The following DNAH5 variants were observed in gnomAD, a reference collection of about 807,000 sequenced individuals.
The protein encoded by DNAH5 is axonemal beta dynein heavy chain 5.
DNAH5 carries 372 observed loss-of-function variants against 518.2 expected under a neutral mutation model. The observed-to-expected ratio is 0.72, with a 90% confidence interval of 0.66 to 0.78. The LOEUF is 0.78. DNAH5 is among the 30% of genes least tolerant of loss of function. The probability of loss-of-function intolerance (pLI) is 0.00; values close to 1 mark genes in which losing one functional copy is unlikely to be tolerated. For synonymous variants in DNAH5, 2,039 were observed against 2,025.9 expected, an observed-to-expected ratio of 1.01 and a Z score of -0.17; for missense variants, 5,523 against 5,687.0, an observed-to-expected ratio of 0.97 and a Z score of 0.93.
At chr5:13,755,668 A>G (rs1027420490) in intron 61 of DNAH5, among the ~76,000 whole-genome samples, 1 of 152,174 alleles carries the variant, frequency 6.6e-6, no homozygotes, top group Non-Finnish European at 1.5e-5. Context: ...CTAACAGTCC[A>G]TCGGAGAGAA....
Position 13,793,640 on chromosome 5 carries a change from A to G in DNAH5, c.8099T>C (p.Ile2700Thr), listed in dbSNP as rs760739660. The change falls in exon 49 of 79, where the codon ATC (isoleucine) becomes ACC (threonine). Residue 2700 changes from isoleucine to threonine, a missense_variant. Ile to Thr is a moderately conservative substitution (Grantham distance 89, BLOSUM62 -1). Coordinates refer to ENST00000265104, the MANE Select transcript of DNAH5 (RefSeq NM_001369.3). ...KPGEFTSIVD[I>T]QFLAAMIHPG... ...ATGGATCATGGCTGCCAAAAACTGG[A>G]TGTCCACGATGCTGGTGAACTCCCC... 70 of 1,614,040 alleles carry G rather than the reference A, an allele frequency of 4.3e-5. No homozygotes were observed. The highest frequency in any genetic ancestry group is 8.3e-5 in the Admixed American group (5 of 59,998).
At chr5:13,739,200 C>A (rs143143302) in intron 65 of DNAH5, among the ~76,000 whole-genome samples, 3 of 152,096 alleles carry the variant, frequency 2.0e-5, no homozygotes, top group East Asian at 1.9e-4. Flanking sequence ...TGGCTCTGTG[C>A]CCCCACTCAA....
rs1554034969 is a variant in DNAH5, at chr5:13,753,511, C to G, written c.10594G>C (p.Gly3532Arg). Reference sequence around the variant, plus strand: ...TCACGAAACTCTTGGTTAAATGGACCAGAATAAGATAGAAAAGCTGTAGCC... The same window carrying G: ...TCACGAAACTCTTGGTTAAATGGACGAGAATAAGATAGAAAAGCTGTAGCC... The part of the protein sequence containing the change: ...LLATAFLSYS[G>R]PFNQEFRDLL... Residue 3532 changes from glycine (G) to arginine (R), a missense_variant, in exon 63 of 79, where the codon GGT (glycine) becomes CGT (arginine). Transcript: ENST00000265104. The G allele has an allele frequency of 1.9e-6, 3 of 1,613,756 alleles. No homozygotes were observed. Among genetic ancestry groups the G allele is most frequent in the African/African-American group, 1.3e-5 (1 of 74,918 alleles).
intron 38 of DNAH5, among the ~76,000 whole-genome samples, chr5:13,828,478 T>G (rs1396328365): frequency 6.6e-6 from 1 of 152,202 alleles, no homozygotes; most frequent in Admixed American, 6.5e-5. Context: ...TGATATCACC[T>G]TGAGAGTAGG....
At chr5:13,945,804 C>T (rs1288995518), upstream of DNAH5, among the ~76,000 whole-genome samples, 2 of 152,098 alleles carry the variant, frequency 1.3e-5, no homozygotes, top group East Asian at 3.9e-4. Context: ...CAGGTTTGGC[C>T]ACATTGCCCA....
At chr5:13,834,155 G>C (rs962677834) in intron 35 of DNAH5, among the ~76,000 whole-genome samples, 2 of 152,102 alleles carry the variant, frequency 1.3e-5, no homozygotes, top group African/African-American at 4.8e-5. Flanking sequence ...GGCATTTAGG[G>C]TAAACAGACA....
rs1412664537 is a variant in DNAH5, at chr5:13,880,149, A to G, written c.3262+2579T>C. Among the ~76,000 whole-genome samples, 4 of 152,290 alleles carry G rather than the reference A, an allele frequency of 2.6e-5. No homozygotes were observed. In the East Asian group the frequency reaches 5.8e-4, roughly 22 times the overall value. Reference sequence around the variant, plus strand: ...GCAGGTTAGAAAGGAGTGAAGTGATATATTCAAAATACTGAAAGAAAATAA... The same window carrying G: ...GCAGGTTAGAAAGGAGTGAAGTGATGTATTCAAAATACTGAAAGAAAATAA... On this transcript the variant is annotated intron_variant, in intron 21 of 78. Transcript: ENST00000265104.
At chr5:13,825,342 G>A (rs1762756927) in intron 38 of DNAH5, among the ~76,000 whole-genome samples, 2 of 128,106 alleles carry the variant, frequency 1.6e-5, no homozygotes, top group Non-Finnish European at 1.7e-5. Flanking sequence ...ACTCTGTCTT[G>A]CAAAAAATAA....
intron 69 of DNAH5, among the ~76,000 whole-genome samples, chr5:13,728,492 A>G (rs1579937854): frequency 6.6e-6 from 1 of 152,298 alleles, no homozygotes; most frequent in African/African-American, 2.4e-5. Flanking sequence ...CTTAATATTG[A>G]GGGGTTTCGT....
rs1760752055 is a variant in DNAH5 at position 13,811,764 on chromosome 5, C to T, written c.7290G>A (p.Glu2430=). 6.2e-7 allele frequency: 1 copy of T among 1,614,158 alleles called. No individual in the cohort carries two copies. The highest frequency in any genetic ancestry group is 2.2e-5 in the East Asian group (1 of 44,868). Residue 2430 remains glutamate, a synonymous_variant, in exon 44 of 79, where the codon GAG becomes GAA. Coordinates refer to ENST00000265104, the MANE Select transcript of DNAH5 (RefSeq NM_001369.3). ...EAEILRQLYT[E]SFPDLYRFCI... is the part of the protein sequence containing the mutation. Reference sequence around the variant, plus strand: ...AGAAGCGATACAAGTCTGGGAAAGACTCGGTGTACAGCTGACGAAGAATTT... The same window carrying T: ...AGAAGCGATACAAGTCTGGGAAAGATTCGGTGTACAGCTGACGAAGAATTT...
intron 52 of DNAH5, 23 bp from the exon 53 acceptor site, chr5:13,780,982 T>C (rs1398663053): frequency 2.5e-6 from 4 of 1,612,022 alleles, no homozygotes; most frequent in Non-Finnish European, 3.4e-6. Flanking sequence ...ACAGAAAAAG[T>C]ATGTATCTTT....
chr5:13,868,250 A>G (rs1422231600), intron 24 of DNAH5, among the ~76,000 whole-genome samples: 1 of 152,218 alleles, frequency 6.6e-6, no homozygotes, highest in African/African-American at 2.4e-5. Context: ...GTCATTTTAA[A>G]TGCATTTTGA....
chr5:13,719,046 A>T lies in DNAH5; in HGVS notation c.12335T>A (p.Leu4112Gln). The T allele has an allele frequency of 6.2e-7, 1 of 1,614,178 alleles. No individual in the cohort carries two copies. The highest frequency in any genetic ancestry group is 1.1e-5 in the South Asian group (1 of 91,080). ...CTCAGTTTCTATGATTATGTCCATCAGCTCATCCATGAAATCAAGTCCCAG... is the reference window on the plus strand; with the variant it reads ...CTCAGTTTCTATGATTATGTCCATCTGCTCATCCATGAAATCAAGTCCCAG... Reference protein sequence around the residue: ...CHLGLDFMDELMDIIIETELV... With the variant: ...CHLGLDFMDEQMDIIIETELV... Residue 4112 changes from leucine to glutamine, a missense_variant, in exon 72 of 79, where the codon CTG (leucine) becomes CAG (glutamine). Physicochemically the swap from Leu to Gln is moderately radical, Grantham distance 113. Transcript: ENST00000265104.
At chr5:13,923,772 G>T (rs971416395) in intron 3 of DNAH5, among the ~76,000 whole-genome samples, 10 of 152,162 alleles carry the variant, frequency 6.6e-5, no homozygotes, top group African/African-American at 1.9e-4. Context: ...GGCTGGGTGC[G>T]GTGGCTCACG....
chr5:13,725,859 G>A (rs1645106155), intron 70 of DNAH5, among the ~76,000 whole-genome samples: 1 of 152,098 alleles, frequency 6.6e-6, no homozygotes. Flanking sequence ...TCACCATGTT[G>A]GCCAGACTGG....
intron 49 of DNAH5, among the ~76,000 whole-genome samples, chr5:13,792,610 T>C (rs1007282383): frequency 2.0e-5 from 3 of 152,208 alleles, no homozygotes; most frequent in African/African-American, 7.2e-5. Context: ...AATACTTTCA[T>C]TTACTTTTTA....
chr5:13,717,605 A>G, intron 72 of DNAH5, 85 bp from the exon 73 acceptor site: 1 of 1,095,168 alleles, frequency 9.1e-7, no homozygotes, highest in Non-Finnish European at 1.4e-6. Context: ...ATTTTTGTAA[A>G]TCCCTGATAT....
rs10059322 is a variant in DNAH5 at position 13,726,719 on chromosome 5, T to G, written c.12033+788A>C. Among the ~76,000 whole-genome samples the G allele has an allele frequency of 8.8e-3, 1,346 of 152,310 alleles. 26 individuals carry two copies. Among genetic ancestry groups the G allele is most frequent in the African/African-American group, 0.031 (1,271 of 41,560 alleles). On this transcript the variant is annotated intron_variant, in intron 70 of 78. Transcript: ENST00000265104. ...TTTTCATGATTCCACAGTACCTAAG[T>G]GGACTTGGAGGTAGTTACTCCATAA...
At chr5:13,830,884 G>T (rs1219047704) in intron 35 of DNAH5, 109 bp from the exon 36 acceptor site, 6 of 1,007,650 alleles carry the variant, frequency 6.0e-6, no homozygotes, top group Middle Eastern at 3.0e-4. Flanking sequence ...AAAGGCCATT[G>T]TCCCTACCTA....
Sources: allele counts gnomAD v4.1 joint callset (sites outside exome capture counted in the v4.1 genomes callset), GRCh38; gene constraint gnomAD v4.1.1; transcripts MANE v1.5; gene names NCBI Gene and HGNC (gene_info 2026-07-23, HGNC 2026-07-21).